KIAA0586: variants seen among roughly 807,000 people sequenced by gnomAD.
The protein encoded by KIAA0586 is KIAA0586.
In KIAA0586, 144 loss-of-function variants were observed where a neutral mutation model predicts 169.8. The ratio of observed to expected loss-of-function variants is 0.85; its 90% CI spans 0.74 to 0.97. The LOEUF (loss-of-function observed/expected upper bound fraction) is 0.97, where lower values mean the gene tolerates loss of function less well. Ranked by LOEUF, KIAA0586 falls within the 50% of genes least tolerant of loss-of-function variation. The pLI is 0.00. For synonymous variants in KIAA0586, 625 were observed against 612.4 expected (o/e 1.02, Z -0.30); for missense variants, 1,854 against 1,823.0 (o/e 1.02, Z -0.31).
chr14:58,497,053 C>A (rs1430975770), intron 26 of KIAA0586, among the ~76,000 whole-genome samples: 1 of 151,268 alleles, frequency 6.6e-6, no homozygotes, highest in Non-Finnish European at 1.5e-5. Context: ...CGGCTCACCA[C>A]AACCTCCACC....
intron 29 of KIAA0586, among the ~76,000 whole-genome samples, chr14:58,536,367 T>G (rs2046291351): frequency 6.6e-6 from 1 of 152,184 alleles, no homozygotes; most frequent in African/African-American, 2.4e-5. Flanking sequence ...ACCCATTGTT[T>G]AGCTCCCACT....
chr14:58,477,123 G>C lies in KIAA0586; in HGVS notation c.2826G>C (p.Trp942Cys), dbSNP rs1288164344. ...TTTATCTGCCCCACCATCCTCTCAG[G>C]GTAGAGCAAGAAATAATGTCAAGAA... ...KETLENSLIQ[W>C]VEQEIMSRII... is the part of the protein sequence containing the mutation. The change falls in exon 20 of 31, where the codon TGG becomes TGC. Residue 942 changes from tryptophan (W) to cysteine (C), a missense_variant and splice_region_variant. Physicochemically the swap from Trp to Cys is radical, Grantham distance 215. Coordinates refer to ENST00000652326, the MANE Select transcript of KIAA0586 (RefSeq NM_001329943.3). 6.6e-7 allele frequency: 1 copy of C among 1,523,034 alleles called. No homozygotes were observed. Among genetic ancestry groups the C allele is most frequent in the East Asian group, 2.3e-5 (1 of 42,566 alleles). The allele number at this position is 1,523,034 out of a possible 1,614,324, so 94.3% of individuals were successfully genotyped here.
intron 16 of KIAA0586, among the ~76,000 whole-genome samples, chr14:58,469,864 A>G (rs565385804): frequency 2.7e-4 from 41 of 152,304 alleles, no homozygotes; most frequent in African/African-American, 6.3e-4. Flanking sequence ...TTTAAAAACT[A>G]TTATTGCTGA....
At position 58,529,377 on chromosome 14, in the gene KIAA0586, C is replaced by A. The variant is rs550882306; in HGVS notation, c.4430-10694C>A. Among the ~76,000 whole-genome samples, 4 of 152,230 alleles carry A rather than the reference C, an allele frequency of 2.6e-5. 1 individual carries two copies. On this transcript the variant is annotated intron_variant, in intron 29 of 30. Coordinates refer to ENST00000652326, the MANE Select transcript of KIAA0586 (RefSeq NM_001329943.3). ...TTATGAAGCCAGCATCATCCTGATACGAAAACCTGGCAGAGACACAACAAA... is the reference window on the plus strand; with the variant it reads ...TTATGAAGCCAGCATCATCCTGATAAGAAAACCTGGCAGAGACACAACAAA...
chr14:58,543,201 CTG>C (rs941902426), intron 30 of KIAA0586, among the ~76,000 whole-genome samples: 1 of 150,184 alleles, frequency 6.7e-6, no homozygotes, highest in Non-Finnish European at 1.5e-5. Flanking sequence ...GTTGAGAAAA[CTG>C]GGGTTCAGAG....
chr14:58,439,479 G>T (rs953788971), intron 4 of KIAA0586, among the ~76,000 whole-genome samples: 3 of 152,034 alleles, frequency 2.0e-5, no homozygotes, highest in African/African-American at 7.3e-5. Flanking sequence ...GAGCCACCGC[G>T]CCTGGCCAGA....
chr14:58,480,154 G>C (rs575758618), intron 20 of KIAA0586, among the ~76,000 whole-genome samples: 1 of 151,672 alleles, frequency 6.6e-6, no homozygotes, highest in African/African-American at 2.4e-5. Context: ...GGTCCTTATA[G>C]GTTGGCCTTC....
rs933916448 is a variant in KIAA0586 at position 58,458,401 on chromosome 14, G to T, written c.1584-72G>T. 3 of 797,492 alleles carry T rather than the reference G, an allele frequency of 3.8e-6. No homozygotes were observed. The Admixed American group carries it at 7.5e-5, about 20-fold the overall frequency. The allele number at this position is 797,492 out of a possible 1,614,324, so 49.4% of individuals were successfully genotyped here. A position where few individuals can be genotyped will look rare whatever the true frequency, so the allele number is the denominator to read the frequency against. The stretch of plus-strand genomic sequence containing the variant: ...ATAGCAGGTTCACAACTAGATAAGA[G>T]TTAGATCTGATCCAAGTCCTGCTCA... On this transcript the variant is annotated intron_variant, in intron 11 of 30. Transcript: ENST00000652326.
chr14:58,487,870 T>TG lies in KIAA0586; in HGVS notation c.3305-17_3305-16insG, dbSNP rs1555392515. The TG allele has an allele frequency of 5.1e-6, 7 of 1,369,848 alleles. No individual in the cohort carries two copies. Among genetic ancestry groups the TG allele is most frequent in the Admixed American group, 4.0e-5 (2 of 49,506 alleles). The allele number at this position is 1,369,848 out of a possible 1,614,324, so 84.9% of individuals were successfully genotyped here. On this transcript the variant is annotated splice_polypyrimidine_tract_variant and intron_variant, in intron 22 of 30. Transcript: ENST00000652326. ...TGACTACTATCTTTTTCTGTCCTTT[T>TG]AAAAAAAAACCTTTAGGAGATGATA... is the stretch of plus-strand genomic sequence containing the variant.
intron 19 of KIAA0586, 116 bp downstream of exon 19, chr14:58,474,913 CT>C: frequency 1.3e-6 from 1 of 771,598 alleles, no homozygotes; most frequent in Non-Finnish European, 2.0e-6. Context: ...ACTTTCTTTG[CT>C]TTAGTCACTG....
chr14:58,491,349 A>G (rs554640542), intron 25 of KIAA0586, among the ~76,000 whole-genome samples: 1 of 152,350 alleles, frequency 6.6e-6, no homozygotes, highest in African/African-American at 2.4e-5. Flanking sequence ...CAATAGTACA[A>G]TCTGGAAAAA....
At chr14:58,527,262 C>G (rs980400458) in intron 29 of KIAA0586, among the ~76,000 whole-genome samples, 19 of 152,210 alleles carry the variant, frequency 1.2e-4, no homozygotes, top group African/African-American at 4.6e-4. Flanking sequence ...GAGAATGGAA[C>G]CAAGTTGGAA....
intron 28 of KIAA0586, among the ~76,000 whole-genome samples, chr14:58,511,802 A>G (rs775360060): frequency 1.3e-5 from 2 of 152,152 alleles, no homozygotes; most frequent in East Asian, 1.9e-4. Flanking sequence ...AGATTCTTCT[A>G]TGGTTGTATT....
chr14:58,451,502 C>T (rs1006145819), intron 8 of KIAA0586, among the ~76,000 whole-genome samples: 2 of 152,114 alleles, frequency 1.3e-5, no homozygotes, highest in Admixed American at 6.5e-5. Flanking sequence ...GCTGGGATTA[C>T]AGATGTGAGC....
At chr14:58,528,446 A>C (rs1158363632) in intron 29 of KIAA0586, among the ~76,000 whole-genome samples, 1 of 152,178 alleles carries the variant, frequency 6.6e-6, no homozygotes, top group African/African-American at 2.4e-5. Flanking sequence ...TTGACCATAT[A>C]ATTGGAAGTA....
rs547909893 is a variant in KIAA0586 at position 58,506,512 on chromosome 14, C to T, written c.4169-2043C>T. On this transcript the variant is annotated intron_variant, in intron 27 of 30. Coordinates refer to ENST00000652326, the MANE Select transcript of KIAA0586 (RefSeq NM_001329943.3). ...GACCAGCCTGGCCAATATGGTGAAA[C>T]GCTGCCTCTACTAAAAATACAAAAA... Among the ~76,000 whole-genome samples the T allele has an allele frequency of 2.3e-4, 35 of 151,878 alleles. 1 individual carries two copies. Among genetic ancestry groups the T allele is most frequent in the African/African-American group, 7.5e-4 (31 of 41,418 alleles).
At chr14:58,482,389 G>A (rs1218333554) in intron 20 of KIAA0586, 124 bp from the exon 21 acceptor site, 12 of 681,190 alleles carry the variant, frequency 1.8e-5, no homozygotes, top group Non-Finnish European at 2.4e-5. Context: ...TCACATCATT[G>A]CACTCCAGCC....
chr14:58,534,897 C>T (rs2046189499), intron 29 of KIAA0586, among the ~76,000 whole-genome samples: 1 of 152,118 alleles, frequency 6.6e-6, no homozygotes, highest in Admixed American at 6.6e-5. Flanking sequence ...GAAAAGTACA[C>T]ATATTGTAAG....
chr14:58,434,383 C>A (rs1405376860), intron 4 of KIAA0586, among the ~76,000 whole-genome samples: 2 of 151,996 alleles, frequency 1.3e-5, no homozygotes, highest in East Asian at 3.9e-4. Flanking sequence ...TTAAAAAAAA[C>A]CTTCAAAGAG....
Sources: allele counts gnomAD v4.1 joint callset (sites outside exome capture counted in the v4.1 genomes callset), GRCh38; gene constraint gnomAD v4.1.1; transcripts MANE v1.5; gene names NCBI Gene and HGNC (gene_info 2026-07-23, HGNC 2026-07-21).